The following PCDHA10 variants were observed in gnomAD, a reference collection of about 807,000 sequenced individuals.
PCDHA10 encodes the protein protocadherin alpha-10.
Under a neutral mutation model 61.2 loss-of-function variants are expected in PCDHA10, and 45 were observed. The ratio of observed to expected loss-of-function variants is 0.74; its 90% CI spans 0.58 to 0.94. The LOEUF is 0.94. PCDHA10 is among the 40% of genes least tolerant of loss of function. PCDHA10 has a pLI of 0.00. For synonymous variants in PCDHA10, 602 were observed against 548.8 expected (o/e 1.10, Z -1.35); for missense variants, 1,278 against 1,236.2 (o/e 1.03, Z -0.51).
At chr5:140,956,474 C>G (rs1585669580) in intron 1 of PCDHA10, among the ~76,000 whole-genome samples, 1 of 152,160 alleles carries the variant, frequency 6.6e-6, no homozygotes, top group East Asian at 1.9e-4. Flanking sequence ...ATATGTTGAA[C>G]CAGTCTTGCA....
Position 140,883,949 on chromosome 5 carries a change from A to C in PCDHA10, c.2388+25513A>C, listed in dbSNP as rs566235340. On this transcript the variant is annotated intron_variant, in intron 1 of 3. Transcript: ENST00000307360. ...GGTGTTCGTGCTGGACGAGAACGAC[A>C]ACGCTCCGGCGCTGCTGACGCCCGG... 178 of 1,613,356 alleles carry C rather than the reference A, an allele frequency of 1.1e-4. 5 individuals carry two copies. The South Asian group carries it at 1.9e-3, about 18-fold the overall frequency.
At chr5:140,863,208 C>A in intron 1 of PCDHA10, 2 of 990,672 alleles carry the variant, frequency 2.0e-6, no homozygotes, top group Non-Finnish European at 3.1e-6. Flanking sequence ...TGGCGGAGAG[C>A]AGCCAAGCGA....
chr5:140,891,977 A>G (rs2063334150), intron 1 of PCDHA10, among the ~76,000 whole-genome samples: 1 of 152,206 alleles, frequency 6.6e-6, no homozygotes, highest in Non-Finnish European at 1.5e-5. Flanking sequence ...TTCCGTTCTC[A>G]TAAATTACTC....
Position 140,925,082 on chromosome 5 carries a change from A to AAAGGAAGG in PCDHA10, c.2389-53849_2389-53842dup, listed in dbSNP as rs138596875. 2.5e-3 allele frequency among the ~76,000 whole-genome samples: 363 copies of AAAGGAAGG among 147,386 alleles called. 3 individuals carry two copies. The highest frequency in any genetic ancestry group is 8.0e-3 in the African/African-American group (310 of 38,948). ...GCAACAAAGCAACACGCTCATCTGG[A>AAAGGAAGG]AAGGAAGGAAGGAAGGAAGGAAGGA... On this transcript the variant is annotated intron_variant, in intron 1 of 3. Transcript: ENST00000307360.
intron 1 of PCDHA10, among the ~76,000 whole-genome samples, chr5:140,942,119 A>T (rs1180591078): frequency 6.6e-6 from 1 of 152,242 alleles, no homozygotes; most frequent in African/African-American, 2.4e-5. Context: ...AACTTTATTA[A>T]AGGTGATATT....
At chr5:140,941,167 A>G (rs1352007891) in intron 1 of PCDHA10, among the ~76,000 whole-genome samples, 2 of 144,982 alleles carry the variant, frequency 1.4e-5, no homozygotes, top group Non-Finnish European at 3.1e-5. Flanking sequence ...AAGACTCCCC[A>G]TCTTGAACAT....
At chr5:140,942,311 G>A (rs781987580) in intron 1 of PCDHA10, among the ~76,000 whole-genome samples, 1 of 152,004 alleles carries the variant, frequency 6.6e-6, no homozygotes, top group Non-Finnish European at 1.5e-5. Flanking sequence ...TTGGGAGGTC[G>A]AGGCACAAGA....
At chr5:140,982,217 C>A in intron 2 of PCDHA10, 1 of 507,664 alleles carries the variant, frequency 2.0e-6, no homozygotes, top group Non-Finnish European at 3.1e-6. Flanking sequence ...CGCCACATGG[C>A]GTTAATAAAA....
At chr5:140,929,258 T>C (rs1288767035) in intron 1 of PCDHA10, 2 of 1,612,832 alleles carry the variant, frequency 1.2e-6, no homozygotes, top group Non-Finnish European at 1.7e-6. Flanking sequence ...GGGGTAGGAC[T>C]GAATTTGCCA....
At chr5:140,996,650 G>A (rs943173536) in intron 3 of PCDHA10, among the ~76,000 whole-genome samples, 2 of 152,042 alleles carry the variant, frequency 1.3e-5, no homozygotes, top group Non-Finnish European at 2.9e-5. Context: ...GTTAATCCTG[G>A]GTGCAGGCTA....
chr5:140,870,507 A>G (rs782584168), intron 1 of PCDHA10: 3 of 1,614,128 alleles, frequency 1.9e-6, no homozygotes, highest in African/African-American at 1.3e-5. Context: ...AGAACAACCC[A>G]CCAGGCTGCC....
intron 1 of PCDHA10, chr5:140,865,095 C>T (rs1163378400): frequency 2.0e-5 from 3 of 152,198 alleles, no homozygotes; most frequent in African/African-American, 7.2e-5. Context: ...TTAATAAAGG[C>T]ACTTCCACTT....
rs1207415477 is a variant in PCDHA10 at position 140,980,276 on chromosome 5, T to C, written c.2447+1269T>C. 1.3e-5 allele frequency among the ~76,000 whole-genome samples: 2 copies of C among 152,224 alleles called. 1 individual carries two copies. The highest frequency in any genetic ancestry group is 2.9e-5 in the Non-Finnish European group (2 of 68,040). On this transcript the variant is annotated intron_variant, in intron 2 of 3. Transcript: ENST00000307360. ...AAAGCATGGTTTACAGTACCAACTC[T>C]TGAAAAGTACCAAAGCTATGAGTTG... is the stretch of plus-strand genomic sequence containing the variant.
At position 140,858,441 on chromosome 5, in the gene PCDHA10, G is replaced by C. The variant is rs782468673; in HGVS notation, c.2388+5G>C. 13 of 1,537,092 alleles carry C rather than the reference G, an allele frequency of 8.5e-6. 2 individuals carry two copies. The South Asian group carries it at 1.2e-4, about 14-fold the overall frequency. ...GGAGGGGACCACTCTAGGAAGGTGG[G>C]TTATTACGTTTTCATTTTCCTTTTG... is the stretch of plus-strand genomic sequence containing the variant. On this transcript the variant is annotated splice_donor_5th_base_variant and intron_variant, in intron 1 of 3. Coordinates refer to ENST00000307360, the MANE Select transcript of PCDHA10 (RefSeq NM_018901.4).
intron 1 of PCDHA10, among the ~76,000 whole-genome samples, chr5:140,948,544 G>A (rs2094271073): frequency 1.3e-5 from 2 of 151,392 alleles, no homozygotes; most frequent in Admixed American, 1.3e-4. Flanking sequence ...TTCATGCTCT[G>A]TCAATTTTGT....
chr5:140,875,724 G>T, intron 1 of PCDHA10: 1 of 1,614,244 alleles, frequency 6.2e-7, no homozygotes, highest in Non-Finnish European at 8.5e-7. Flanking sequence ...ATGGCATTTT[G>T]TTTGTGAATT....
At chr5:140,934,196 C>T in intron 1 of PCDHA10, among the ~76,000 whole-genome samples, 1 of 152,068 alleles carries the variant, frequency 6.6e-6, no homozygotes, top group East Asian at 1.9e-4. Context: ...CTTTTCATTT[C>T]TATTTCCTCA....
rs1029317869 is a variant in PCDHA10 at position 140,928,735 on chromosome 5, A to G, written c.2389-50214A>G. ...TAGTCTCTTTAGAATTTCAGCCAAT[A>G]TAGGTGAGCTCCGTACTGCTCGCTT... On this transcript the variant is annotated intron_variant, in intron 1 of 3. Coordinates refer to ENST00000307360, the MANE Select transcript of PCDHA10 (RefSeq NM_018901.4). 35 of 1,614,082 alleles carry G rather than the reference A, an allele frequency of 2.2e-5. No individual in the cohort carries two copies. The highest frequency in any genetic ancestry group is 2.9e-5 in the Non-Finnish European group (34 of 1,180,020).
intron 1 of PCDHA10, chr5:140,968,816 G>A: frequency 6.2e-7 from 1 of 1,614,144 alleles, no homozygotes. Context: ...GGTGGATAGG[G>A]TTTCCAAAAT....
Sources: allele counts gnomAD v4.1 joint callset (sites outside exome capture counted in the v4.1 genomes callset), GRCh38; gene constraint gnomAD v4.1.1; transcripts MANE v1.5; gene names NCBI Gene and HGNC (gene_info 2026-07-23, HGNC 2026-07-21).